CATSPERB: variants seen among roughly 807,000 people sequenced by gnomAD.
CATSPERB encodes the protein cation channel sperm-associated auxiliary subunit beta.
In CATSPERB, 93 loss-of-function variants were observed where a neutral mutation model predicts 128.3. The ratio of observed to expected loss-of-function variants is 0.72; its 90% CI spans 0.61 to 0.86. The LOEUF (loss-of-function observed/expected upper bound fraction) is 0.86. Among genes scored for constraint, CATSPERB ranks in the 40% least tolerant of loss-of-function variants. The pLI, the probability that CATSPERB is intolerant of heterozygous loss-of-function variation, is 0.00. For synonymous variants in CATSPERB, 381 were observed against 448.8 expected (o/e 0.85, Z 1.91); for missense variants, 1,153 against 1,329.5 (o/e 0.87, Z 2.06).
intron 15 of CATSPERB, among the ~76,000 whole-genome samples, chr14:91,646,591 T>C (rs1894610981): frequency 6.6e-6 from 1 of 152,212 alleles, no homozygotes; most frequent in African/African-American, 2.4e-5. Flanking sequence ...CCAGTCCCTC[T>C]CTGACCTTAT....
chr14:91,614,914 A>G (rs1893906858), intron 20 of CATSPERB, among the ~76,000 whole-genome samples: 3 of 152,234 alleles, frequency 2.0e-5, no homozygotes, highest in African/African-American at 7.2e-5. Context: ...TAATTAAATC[A>G]ATCTAGTTAA....
intron 7 of CATSPERB, among the ~76,000 whole-genome samples, chr14:91,700,311 T>A (rs1895625710): frequency 6.6e-6 from 1 of 152,234 alleles, no homozygotes; most frequent in Non-Finnish European, 1.5e-5. Flanking sequence ...TTCCTTTTGC[T>A]AATATTTTGT....
At chr14:91,627,571 T>G (rs1171136589) in intron 17 of CATSPERB, among the ~76,000 whole-genome samples, 1 of 152,146 alleles carries the variant, frequency 6.6e-6, no homozygotes, top group African/African-American at 2.4e-5. Flanking sequence ...GGGCTTAGGT[T>G]TTTAGGGTCA....
intron 21 of CATSPERB, 111 bp downstream of exon 21, chr14:91,610,369 A>T (rs1893801390): frequency 1.4e-6 from 1 of 734,778 alleles, no homozygotes; most frequent in Admixed American, 2.9e-5. Flanking sequence ...ATAACTGTGA[A>T]GTGTTTTGAG....
At chr14:91,633,628 T>C (rs185780640) in intron 17 of CATSPERB, among the ~76,000 whole-genome samples, 69 of 152,176 alleles carry the variant, frequency 4.5e-4, no homozygotes, top group African/African-American at 1.5e-3. Context: ...GACTTTAAGG[T>C]TGGTTCAACA....
chr14:91,664,488 AC>A (rs1019232309), intron 14 of CATSPERB, among the ~76,000 whole-genome samples: 4 of 151,346 alleles, frequency 2.6e-5, no homozygotes, highest in African/African-American at 9.7e-5. Flanking sequence ...CTGGTCTCGA[AC>A]TCCTGACCTC....
chr14:91,591,375 T>C (rs1043161666), intron 23 of CATSPERB, among the ~76,000 whole-genome samples: 2 of 152,070 alleles, frequency 1.3e-5, no homozygotes, highest in African/African-American at 4.8e-5. Flanking sequence ...ATTTGACTCT[T>C]CTAATGCAAA....
At chr14:91,726,780 T>C (rs1896126801) in intron 2 of CATSPERB, among the ~76,000 whole-genome samples, 1 of 152,220 alleles carries the variant, frequency 6.6e-6, no homozygotes, top group Admixed American at 6.5e-5. Context: ...ACACATCTGC[T>C]GGAACTTGAA....
chr14:91,718,191 TA>T (rs1445269024), intron 5 of CATSPERB, among the ~76,000 whole-genome samples: 2 of 152,134 alleles, frequency 1.3e-5, no homozygotes, highest in African/African-American at 4.8e-5. Context: ...ACATCGAAAA[TA>T]AGTACAGTTT....
chr14:91,614,962 G>A (rs941675522), intron 20 of CATSPERB, among the ~76,000 whole-genome samples: 1 of 152,082 alleles, frequency 6.6e-6, no homozygotes, highest in African/African-American at 2.4e-5. Flanking sequence ...ATTTTGTGGT[G>A]AGAACATTTA....
At chr14:91,707,199 C>T (rs956340621) in intron 6 of CATSPERB, among the ~76,000 whole-genome samples, 1 of 152,178 alleles carries the variant, frequency 6.6e-6, no homozygotes, top group African/African-American at 2.4e-5. Flanking sequence ...CACTAGTCTC[C>T]CTTTAGTTCC....
At chr14:91,631,987 A>G (rs1468364562) in intron 17 of CATSPERB, among the ~76,000 whole-genome samples, 1 of 152,150 alleles carries the variant, frequency 6.6e-6, no homozygotes, top group Non-Finnish European at 1.5e-5. Context: ...AAAAGAATGG[A>G]AAGAGGAGAA....
intron 22 of CATSPERB, among the ~76,000 whole-genome samples, chr14:91,595,681 G>A (rs1302105784): frequency 3.9e-5 from 6 of 152,148 alleles, no homozygotes; most frequent in African/African-American, 1.4e-4. Context: ...GGCTTTATTG[G>A]CTCCATAAGT....
At chr14:91,589,336 A>T (rs895365669) in intron 24 of CATSPERB, among the ~76,000 whole-genome samples, 198 bp downstream of exon 24, 1 of 152,230 alleles carries the variant, frequency 6.6e-6, no homozygotes, top group African/African-American at 2.4e-5. Flanking sequence ...TTACCCTAGA[A>T]TCCAGGCCAC....
At position 91,644,040 on chromosome 14, in the gene CATSPERB, T is replaced by A. The variant is rs1440683063; in HGVS notation, c.1433-4790A>T. Among the ~76,000 whole-genome samples, 3 of 139,028 alleles carry A rather than the reference T, an allele frequency of 2.2e-5. No individual in the cohort carries two copies. The East Asian group carries it at 6.0e-4, about 28-fold the overall frequency. 91.2% of individuals were successfully genotyped at this position (139,028 alleles called of 152,430 possible). Reference sequence around the variant, plus strand: ...AGAGACTAGGATTGCAACCCTTGCCTTTTTTTGTTTTCCATTTGCTTGGTA... The same window carrying A: ...AGAGACTAGGATTGCAACCCTTGCCATTTTTTGTTTTCCATTTGCTTGGTA... On this transcript the variant is annotated intron_variant, in intron 15 of 26. Coordinates refer to ENST00000256343, the MANE Select transcript of CATSPERB (RefSeq NM_024764.4).
At chr14:91,650,792 A>G (rs1894691712) in intron 15 of CATSPERB, among the ~76,000 whole-genome samples, 1 of 152,172 alleles carries the variant, frequency 6.6e-6, no homozygotes, top group African/African-American at 2.4e-5. Flanking sequence ...ATTTTTGTTC[A>G]TCACTAGAAA....
At chr14:91,691,454 C>G in intron 10 of CATSPERB, 69 bp downstream of exon 10, 13 of 971,262 alleles carry the variant, frequency 1.3e-5, no homozygotes, top group Non-Finnish European at 2.0e-5. Context: ...TATTGTCTTG[C>G]ATCTCATCTC....
At position 91,617,740 on chromosome 14, in the gene CATSPERB, T is replaced by C. The variant is rs1002242794; in HGVS notation, c.2261-4A>G. ...GGTATTTCAAGCATTCGAAAACCTA[T>C]GGAAACAAGGTTAACAGTTAATATT... On this transcript the variant is annotated splice_polypyrimidine_tract_variant and splice_region_variant and intron_variant, in intron 19 of 26. Coordinates refer to ENST00000256343, the MANE Select transcript of CATSPERB (RefSeq NM_024764.4). 10 of 1,585,262 alleles carry C rather than the reference T, an allele frequency of 6.3e-6. No individual in the cohort carries two copies. The Admixed American group carries it at 1.5e-4, about 23-fold the overall frequency.
intron 17 of CATSPERB, among the ~76,000 whole-genome samples, chr14:91,627,517 G>T (rs1431750371): frequency 6.6e-6 from 1 of 152,180 alleles, no homozygotes; most frequent in African/African-American, 2.4e-5. Context: ...AGAACATGGG[G>T]CTTCATAACA....
Sources: allele counts gnomAD v4.1 joint callset (sites outside exome capture counted in the v4.1 genomes callset), GRCh38; gene constraint gnomAD v4.1.1; transcripts MANE v1.5; gene names NCBI Gene and HGNC (gene_info 2026-07-23, HGNC 2026-07-21).